Variants in PTPRD observed in about 807,000 individuals in gnomAD.
PTPRD encodes receptor-type tyrosine-protein phosphatase delta.
Under a neutral mutation model 214.5 loss-of-function variants are expected in PTPRD, and 34 were observed. The ratio of observed to expected loss-of-function variants is 0.16; its 90% CI spans 0.12 to 0.21. The LOEUF is 0.21. Ranked by LOEUF, PTPRD falls within the 10% of genes least tolerant of loss-of-function variation. The probability of loss-of-function intolerance (pLI) is 1.00; values close to 1 mark genes in which losing one functional copy is unlikely to be tolerated. For missense variants in PTPRD, 2,545 were observed against 2,398.7 expected (o/e 1.06, Z -1.27); for synonymous variants, 1,128 against 845.7 (o/e 1.33, Z -5.79).
At chr9:10,535,672 G>C (rs1360067214) in intron 2 of PTPRD, among the ~76,000 whole-genome samples, 1 of 149,616 alleles carries the variant, frequency 6.7e-6, no homozygotes, top group Non-Finnish European at 1.5e-5. Flanking sequence ...TAACCATTAA[G>C]TGAATATAAT....
intron 2 of PTPRD, among the ~76,000 whole-genome samples, chr9:10,543,477 T>TACACACACACACACAC (rs370246328): frequency 7.1e-6 from 1 of 141,284 alleles, no homozygotes; most frequent in African/African-American, 2.6e-5. Flanking sequence ...AATATATATA[T>TACACACACACACACAC]ATACACACAC....
At chr9:8,657,014 A>C (rs1484470892) in intron 12 of PTPRD, among the ~76,000 whole-genome samples, 1 of 152,174 alleles carries the variant, frequency 6.6e-6, no homozygotes, top group Non-Finnish European at 1.5e-5. Context: ...AAACTTAATA[A>C]TTACCAATCT....
chr9:9,749,398 T>C (rs1344597906), intron 6 of PTPRD, among the ~76,000 whole-genome samples: 1 of 152,180 alleles, frequency 6.6e-6, no homozygotes, highest in East Asian at 1.9e-4. Flanking sequence ...CCTCCATTTG[T>C]CTGTCTCCTG....
chr9:10,358,427 A>G (rs561110791), intron 2 of PTPRD, among the ~76,000 whole-genome samples: 2 of 152,108 alleles, frequency 1.3e-5, no homozygotes, highest in African/African-American at 4.8e-5. Flanking sequence ...TCATTGATCA[A>G]TGAAGCAATC....
chr9:8,995,037 G>A (rs2099391233), intron 11 of PTPRD, among the ~76,000 whole-genome samples: 1 of 152,102 alleles, frequency 6.6e-6, no homozygotes, highest in Admixed American at 6.6e-5. Context: ...AGGAAACATA[G>A]GAGACATGGG....
intron 3 of PTPRD, among the ~76,000 whole-genome samples, chr9:10,150,311 C>A (rs1026185247): frequency 2.0e-5 from 3 of 152,090 alleles, no homozygotes; most frequent in Admixed American, 6.6e-5. Context: ...CACATACACA[C>A]CACGGAATAC....
chr9:9,754,862 G>A (rs1300978071), intron 6 of PTPRD, among the ~76,000 whole-genome samples: 5 of 152,012 alleles, frequency 3.3e-5, no homozygotes, highest in Admixed American at 2.0e-4. Context: ...TCAATAAAAG[G>A]TGCTAAGGAG....
At chr9:8,582,384 A>G (rs2093245544) in intron 14 of PTPRD, among the ~76,000 whole-genome samples, 1 of 152,256 alleles carries the variant, frequency 6.6e-6, no homozygotes, top group African/African-American at 2.4e-5. Flanking sequence ...ATAATCATAA[A>G]GGAAATCTAA....
chr9:9,873,247 G>A (rs1475429199), intron 5 of PTPRD, among the ~76,000 whole-genome samples: 2 of 152,148 alleles, frequency 1.3e-5, no homozygotes, highest in African/African-American at 2.4e-5. Flanking sequence ...AACCTTTCAT[G>A]TAAATAAAGG....
At chr9:8,365,192 C>A (rs932290750) in intron 39 of PTPRD, among the ~76,000 whole-genome samples, 18 of 152,004 alleles carry the variant, frequency 1.2e-4, no homozygotes, top group African/African-American at 3.9e-4. Context: ...GTCTGAGAGT[C>A]TGGAAATGTC....
At chr9:8,568,673 TACA>T (rs1056560869) in intron 14 of PTPRD, among the ~76,000 whole-genome samples, 1 of 152,166 alleles carries the variant, frequency 6.6e-6, no homozygotes, top group African/African-American at 2.4e-5. Flanking sequence ...TTAATCTGGT[TACA>T]ACAACAAATT....
chr9:9,455,696 T>C (rs2092891241), intron 8 of PTPRD, among the ~76,000 whole-genome samples: 1 of 151,646 alleles, frequency 6.6e-6, no homozygotes, highest in South Asian at 2.1e-4. Flanking sequence ...CTGGAGTTTC[T>C]AGATTGTTCA....
At chr9:9,512,178 G>A (rs1406499852) in intron 8 of PTPRD, among the ~76,000 whole-genome samples, 1 of 151,774 alleles carries the variant, frequency 6.6e-6, no homozygotes, top group Non-Finnish European at 1.5e-5. Flanking sequence ...AGACCCAACA[G>A]TGTCTAGCAA....
At chr9:9,417,062 C>G (rs1050860087) in intron 8 of PTPRD, among the ~76,000 whole-genome samples, 4 of 152,110 alleles carry the variant, frequency 2.6e-5, no homozygotes, top group African/African-American at 7.2e-5. Flanking sequence ...GCTTCCCCTT[C>G]CAAGCATAAT....
intron 34 of PTPRD, chr9:8,437,307 A>C: frequency 8.1e-7 from 1 of 1,237,146 alleles, no homozygotes; most frequent in East Asian, 2.6e-5. Context: ...ATGAAATGGA[A>C]AGCCTGATAT....
chr9:10,168,773 C>A (rs534220366), intron 3 of PTPRD, among the ~76,000 whole-genome samples: 1 of 152,120 alleles, frequency 6.6e-6, no homozygotes, highest in East Asian at 1.9e-4. Context: ...GTAAAACAAA[C>A]TAGGAATTTC....
intron 3 of PTPRD, among the ~76,000 whole-genome samples, chr9:10,152,308 T>C (rs1194415837): frequency 2.0e-5 from 3 of 152,226 alleles, no homozygotes; most frequent in African/African-American, 7.2e-5. Flanking sequence ...TGGTTATATA[T>C]TATCTGTATG....
intron 9 of PTPRD, among the ~76,000 whole-genome samples, chr9:9,297,001 C>T (rs1003720840): frequency 6.6e-6 from 1 of 151,678 alleles, no homozygotes; most frequent in African/African-American, 2.4e-5. Flanking sequence ...ATCTCTGCAC[C>T]TTTAAGCAGA....
chr9:8,521,607 A>C (rs1419805319), intron 19 of PTPRD, 61 bp from the exon 20 acceptor site: 9 of 1,556,008 alleles, frequency 5.8e-6, no homozygotes, highest in Non-Finnish European at 7.9e-6. Flanking sequence ...GGATTATTAA[A>C]CACATGACAT....
Sources: gnomAD v4.1 joint callset for allele counts (sites outside exome capture counted in the v4.1 genomes callset) on GRCh38, gnomAD v4.1.1 for gene constraint, MANE v1.5 for transcripts, NCBI Gene and HGNC (gene_info 2026-07-23, HGNC 2026-07-21) for gene names.